RYK: variants seen among roughly 807,000 people sequenced by gnomAD.
The protein encoded by RYK is receptor like tyrosine kinase.
RYK carries 21 observed loss-of-function variants against 70.2 expected under a neutral mutation model. The ratio of observed to expected loss-of-function variants is 0.30; its 90% CI spans 0.21 to 0.43. RYK has a LOEUF of 0.43. Among genes scored for constraint, RYK ranks in the 20% least tolerant of loss-of-function variants. The pLI, the probability that RYK is intolerant of heterozygous loss-of-function variation, is 1.00. For missense variants in RYK, 604 were observed against 753.3 expected, an observed-to-expected ratio of 0.80 and a Z score of 2.32; for synonymous variants, 267 against 278.0, an observed-to-expected ratio of 0.96 and a Z score of 0.39.
chr3:134,172,434 T>G (rs913255148), intron 13 of RYK, among the ~76,000 whole-genome samples: 3 of 152,224 alleles, frequency 2.0e-5, no homozygotes, highest in Non-Finnish European at 4.4e-5. Flanking sequence ...TTGCTTAATG[T>G]AGAGCTGGTA....
At chr3:134,223,164 C>A (rs2014792410) in intron 1 of RYK, among the ~76,000 whole-genome samples, 1 of 152,106 alleles carries the variant, frequency 6.6e-6, no homozygotes, top group South Asian at 2.1e-4. Flanking sequence ...CAGCTCTCTG[C>A]ACAAAACATA....
intron 4 of RYK, 97 bp downstream of exon 4, chr3:134,209,598 T>C (rs2014327310): frequency 1.2e-6 from 1 of 859,830 alleles, no homozygotes; most frequent in Non-Finnish European, 1.7e-6. Context: ...ACTATAATCA[T>C]GAGTTGGACA....
intron 1 of RYK, among the ~76,000 whole-genome samples, chr3:134,247,940 G>A (rs1439561808): frequency 3.9e-5 from 6 of 152,104 alleles, no homozygotes; most frequent in Non-Finnish European, 8.8e-5. Flanking sequence ...CTAAAATACG[G>A]TGCAAAGCTA....
intron 1 of RYK, among the ~76,000 whole-genome samples, chr3:134,231,026 T>C (rs2015043739): frequency 6.6e-6 from 1 of 152,100 alleles, no homozygotes; most frequent in Non-Finnish European, 1.5e-5. Context: ...AATAAAGAAC[T>C]CTGTTCCTAA....
At chr3:134,187,292 T>C (rs2013496066) in intron 9 of RYK, among the ~76,000 whole-genome samples, 1 of 152,212 alleles carries the variant, frequency 6.6e-6, no homozygotes, top group South Asian at 2.1e-4. Flanking sequence ...CTTCATACTT[T>C]CCATGTATTC....
rs1221271652 is a variant in RYK, at chr3:134,175,979, G to A, written c.1366C>T (p.Leu456=). The change falls in exon 12 of 15, where the codon CTG becomes TTG. Residue 456 remains leucine, a synonymous_variant. Coordinates refer to ENST00000623711, the MANE Select transcript of RYK (RefSeq NM_002958.4). ...TTGTGGATGACTTCCCTTCTGGCCA[G>A]GTAGCTCATTCCACAGGCAATCTGA... The part of the protein sequence containing the change: ...AIQIACGMSY[L]ARREVIHKDL... 6.2e-7 allele frequency: 1 copy of A among 1,609,648 alleles called. No individual in the cohort carries two copies. The highest frequency in any genetic ancestry group is 1.3e-5 in the African/African-American group (1 of 74,880).
chr3:134,205,600 C>T (rs1484587059), intron 5 of RYK, among the ~76,000 whole-genome samples: 3 of 152,262 alleles, frequency 2.0e-5, no homozygotes, highest in Admixed American at 6.5e-5. Context: ...CCCCTAGATG[C>T]GCCCTGCTCA....
At chr3:134,237,673 G>T (rs1392888602) in intron 1 of RYK, among the ~76,000 whole-genome samples, 1 of 152,094 alleles carries the variant, frequency 6.6e-6, no homozygotes. Context: ...TTACTTAACC[G>T]CCCTCTCTAG....
rs1274767444 is a variant in RYK, at chr3:134,157,174, A to G, written c.*979T>C. The G allele has an allele frequency of 6.5e-6, 1 of 152,708 alleles. No homozygotes were observed. Among genetic ancestry groups the G allele is most frequent in the African/African-American group, 2.4e-5 (1 of 41,480 alleles). 9.5% of individuals were successfully genotyped at this position (152,708 alleles called of 1,614,324 possible). ...CTTTAATTTTTCAAGTGTTTAAAAAACAATTTTATACTTAAGCCAGCCTTG... is the reference window on the plus strand; with the variant it reads ...CTTTAATTTTTCAAGTGTTTAAAAAGCAATTTTATACTTAAGCCAGCCTTG... On this transcript the variant is annotated 3_prime_UTR_variant, in exon 15 of 15. Transcript: ENST00000623711.
chr3:134,234,113 G>A (rs756991437), intron 1 of RYK, among the ~76,000 whole-genome samples: 4 of 151,964 alleles, frequency 2.6e-5, no homozygotes, highest in African/African-American at 4.8e-5. Flanking sequence ...TGAAAGTTAA[G>A]CTGGAAAAAC....
chr3:134,241,611 T>A (rs1055354038), intron 1 of RYK, among the ~76,000 whole-genome samples: 2 of 152,210 alleles, frequency 1.3e-5, no homozygotes, highest in African/African-American at 2.4e-5. Flanking sequence ...GAGCCCCATC[T>A]CAGATCAATT....
intron 2 of RYK, among the ~76,000 whole-genome samples, chr3:134,213,187 G>A (rs2014453705): frequency 6.6e-6 from 1 of 152,170 alleles, no homozygotes; most frequent in South Asian, 2.1e-4. Flanking sequence ...CTACACCGAT[G>A]CTATCTCTGA....
intron 1 of RYK, among the ~76,000 whole-genome samples, chr3:134,249,256 A>C (rs1430029979): frequency 6.6e-6 from 1 of 152,224 alleles, no homozygotes; most frequent in Non-Finnish European, 1.5e-5. Flanking sequence ...TAAAAAGAGC[A>C]TTCTTCTTTG....
rs372183541 is a variant in RYK at position 134,158,284 on chromosome 3, A to T, written c.1713-20T>A. ...GCAAATCTGCAGAGTGACAAAAATG[A>T]AAATTTGGGCTAGTAAGGATACAGT... On this transcript the variant is annotated intron_variant, in intron 14 of 14. Transcript: ENST00000623711. 55 of 1,500,134 alleles carry T rather than the reference A, an allele frequency of 3.7e-5. No individual in the cohort carries two copies. In the African/African-American group the frequency reaches 7.5e-4, roughly 21 times the overall value. 92.9% of individuals were successfully genotyped at this position (1,500,134 alleles called of 1,614,324 possible).
chr3:134,211,876 T>C (rs751877378), intron 2 of RYK, among the ~76,000 whole-genome samples: 2 of 152,216 alleles, frequency 1.3e-5, no homozygotes, highest in Non-Finnish European at 2.9e-5. Context: ...GAAATCCTGC[T>C]GAGAACTATG....
At chr3:134,234,804 T>C (rs1307733559) in intron 1 of RYK, among the ~76,000 whole-genome samples, 1 of 152,128 alleles carries the variant, frequency 6.6e-6, no homozygotes, top group Non-Finnish European at 1.5e-5. Context: ...GAAGGTATAA[T>C]AATCATGAAT....
At chr3:134,191,069 C>T (rs762037156) in intron 8 of RYK, among the ~76,000 whole-genome samples, 1 of 152,182 alleles carries the variant, frequency 6.6e-6, no homozygotes, top group Non-Finnish European at 1.5e-5. Flanking sequence ...CAAAGGAATA[C>T]ATAAGGAGGA....
At chr3:134,202,624 A>G (rs1357794755) in intron 6 of RYK, 106 bp downstream of exon 6, 6 of 869,792 alleles carry the variant, frequency 6.9e-6, no homozygotes, top group Non-Finnish European at 3.5e-6. Context: ...GGGCTTAATC[A>G]TCCTCCCTCC....
intron 2 of RYK, among the ~76,000 whole-genome samples, chr3:134,215,921 C>T (rs1176359239): frequency 4.0e-5 from 6 of 151,510 alleles, no homozygotes; most frequent in Non-Finnish European, 5.9e-5. Context: ...ACATGCTACT[C>T]GGCTACTCGG....
Sources: gnomAD v4.1 joint callset for allele counts (sites outside exome capture counted in the v4.1 genomes callset) on GRCh38, gnomAD v4.1.1 for gene constraint, MANE v1.5 for transcripts, NCBI Gene and HGNC (gene_info 2026-07-23, HGNC 2026-07-21) for gene names.